The following TSNARE1 variants were observed in gnomAD, a reference collection of about 807,000 sequenced individuals.
TSNARE1 encodes t-SNARE domain-containing protein 1.
In TSNARE1, 49 loss-of-function variants were observed where a neutral mutation model predicts 62.0. The observed-to-expected ratio is 0.79, with a 90% CI of 0.63 to 1.00. The LOEUF is 1.00. Ranked by LOEUF, TSNARE1 falls within the 50% of genes least tolerant of loss-of-function variation. The pLI is 0.00. For synonymous variants in TSNARE1, 328 were observed against 294.4 expected (o/e 1.11, Z -1.17); for missense variants, 755 against 700.1 (o/e 1.08, Z -0.88).
intron 1 of TSNARE1, among the ~76,000 whole-genome samples, chr8:142,384,507 G>C (rs1324683834): frequency 1.3e-5 from 2 of 152,112 alleles, no homozygotes; most frequent in African/African-American, 4.8e-5. Flanking sequence ...AGAATAAAGA[G>C]CCCAGAAATA....
intron 11 of TSNARE1, chr8:142,275,738 G>A (rs1820368073): frequency 1.0e-6 from 1 of 985,446 alleles, no homozygotes; most frequent in Non-Finnish European, 1.2e-6. Flanking sequence ...TAAACAAACT[G>A]TGCACCTGCA....
At chr8:142,233,659 C>T (rs915244588) in intron 12 of TSNARE1, among the ~76,000 whole-genome samples, 4 of 152,186 alleles carry the variant, frequency 2.6e-5, no homozygotes, top group African/African-American at 9.6e-5. Flanking sequence ...GAGGCTGAGC[C>T]CCTCCCCTGT....
intron 10 of TSNARE1, among the ~76,000 whole-genome samples, chr8:142,297,378 T>C (rs1289668048): frequency 1.3e-5 from 2 of 152,198 alleles, no homozygotes; most frequent in Non-Finnish European, 2.9e-5. Flanking sequence ...GTGATACTGC[T>C]TCCCCTCCCT....
chr8:142,275,666 G>A, intron 11 of TSNARE1: 1 of 985,446 alleles, frequency 1.0e-6, no homozygotes, highest in Non-Finnish European at 1.2e-6. Flanking sequence ...CCGGAGGGAG[G>A]TTCCTTGCAA....
At chr8:142,396,541 A>G (rs1837908734) in intron 1 of TSNARE1, among the ~76,000 whole-genome samples, 1 of 152,228 alleles carries the variant, frequency 6.6e-6, no homozygotes, top group Admixed American at 6.5e-5. Context: ...AGTAATTGCC[A>G]TTATTAATAA....
intron 11 of TSNARE1, chr8:142,277,431 C>T: frequency 1.0e-6 from 1 of 985,448 alleles, no homozygotes; most frequent in Non-Finnish European, 1.2e-6. Flanking sequence ...CCCAGCCCCA[C>T]AGCCGTGACC....
intron 6 of TSNARE1, among the ~76,000 whole-genome samples, chr8:142,329,321 C>T (rs1350744616): frequency 6.6e-6 from 1 of 152,210 alleles, no homozygotes; most frequent in Non-Finnish European, 1.5e-5. Context: ...CAGACCAGGA[C>T]AGTCTCCTAC....
intron 2 of TSNARE1, among the ~76,000 whole-genome samples, chr8:142,350,428 C>T (rs55744927): frequency 0.31 from 46,789 of 152,148 alleles, 9,252 homozygotes; most frequent in African/African-American, 0.56. Flanking sequence ...GCCTGAATAA[C>T]GTTTGACAAC....
upstream of TSNARE1, chr8:142,404,061 C>G (rs1321770251): frequency 6.6e-6 from 1 of 152,286 alleles, no homozygotes; most frequent in Non-Finnish European, 1.5e-5. Flanking sequence ...TCCGCTGCAC[C>G]TTCTCCGGCA....
At chr8:142,297,350 C>T (rs1446494202) in intron 10 of TSNARE1, among the ~76,000 whole-genome samples, 1 of 152,202 alleles carries the variant, frequency 6.6e-6, no homozygotes, top group African/African-American at 2.4e-5. Context: ...AGGAATCGCG[C>T]AACACTGGCC....
intron 1 of TSNARE1, among the ~76,000 whole-genome samples, chr8:142,393,381 A>G (rs893185987): frequency 1.3e-5 from 2 of 152,254 alleles, no homozygotes; most frequent in Admixed American, 6.5e-5. Flanking sequence ...GCACCGACAC[A>G]GGGCTCCTCT....
intron 13 of TSNARE1, among the ~76,000 whole-genome samples, chr8:142,228,581 T>C (rs1022144528): frequency 3.9e-5 from 6 of 152,168 alleles, no homozygotes; most frequent in African/African-American, 1.2e-4. Context: ...CCCAGAGAAA[T>C]TGCCAGTCAT....
At chr8:142,352,615 C>A (rs1412097534) in intron 2 of TSNARE1, among the ~76,000 whole-genome samples, 2 of 152,286 alleles carry the variant, frequency 1.3e-5, no homozygotes, top group Non-Finnish European at 2.9e-5. Context: ...ATCGAAGGAG[C>A]CACAGCCACG....
chr8:142,278,030 G>A (rs1343135636), intron 11 of TSNARE1: 1 of 985,204 alleles, frequency 1.0e-6, no homozygotes, highest in African/African-American at 1.7e-5. Context: ...GGCCTCAATG[G>A]GGGTGGATCC....
chr8:142,257,810 C>T (rs1818659736), intron 12 of TSNARE1, among the ~76,000 whole-genome samples: 1 of 152,100 alleles, frequency 6.6e-6, no homozygotes, highest in South Asian at 2.1e-4. Flanking sequence ...GAGATCCAGC[C>T]GCCTCCGGGA....
At chr8:142,370,402 C>T (rs984599051) in intron 1 of TSNARE1, among the ~76,000 whole-genome samples, 3 of 152,064 alleles carry the variant, frequency 2.0e-5, no homozygotes, top group Non-Finnish European at 2.9e-5. Context: ...GACTCCATCT[C>T]TACAAAAAAT....
intron 12 of TSNARE1, among the ~76,000 whole-genome samples, chr8:142,247,352 G>T (rs1347498633): frequency 6.6e-6 from 1 of 152,216 alleles, no homozygotes; most frequent in Non-Finnish European, 1.5e-5. Flanking sequence ...TATTCTCAAG[G>T]CTTCAGATGT....
At chr8:142,376,525 G>A (rs4398971) in intron 1 of TSNARE1, among the ~76,000 whole-genome samples, 149,034 of 152,262 alleles carry the variant, frequency 0.98, 73,170 homozygotes, top group Non-Finnish European at 1. Context: ...AGACGTCAGC[G>A]GCCTGCAACC....
chr8:142,222,496 T>TCATTCACTCACTCACTCACTCATC (rs1816377819), intron 13 of TSNARE1, among the ~76,000 whole-genome samples: 2 of 93,664 alleles, frequency 2.1e-5, no homozygotes, highest in Admixed American at 2.2e-4. Flanking sequence ...ACTCATCCAC[T>TCATTCACTCACTCACTCACTCATC]CACTCATCCA....
Sources: allele counts gnomAD v4.1 joint callset (sites outside exome capture counted in the v4.1 genomes callset), GRCh38; gene constraint gnomAD v4.1.1; transcripts MANE v1.5; gene names NCBI Gene and HGNC (gene_info 2026-07-23, HGNC 2026-07-21).